The following INSYN2A variants were observed in gnomAD, a reference collection of about 807,000 sequenced individuals.
INSYN2A encodes family with sequence similarity 196 member A.
In INSYN2A, 17 loss-of-function variants were observed where a neutral mutation model predicts 39.4. That is an observed-to-expected ratio of 0.43 (90% confidence interval 0.30 to 0.65). The LOEUF (loss-of-function observed/expected upper bound fraction) is 0.65, where lower values mean the gene tolerates loss of function less well. INSYN2A is among the 30% of genes least tolerant of loss of function. The probability of loss-of-function intolerance (pLI) is 0.14; values close to 1 mark genes in which losing one functional copy is unlikely to be tolerated. For missense variants in INSYN2A, 595 were observed against 631.2 expected (o/e 0.94, Z 0.61); for synonymous variants, 255 against 265.7 (o/e 0.96, Z 0.39).
Position 127,153,928 on chromosome 10 carries a change from A to ATCTTGT in INSYN2A, c.1185-6_1185-5insACAAGA. 1 of 1,612,932 alleles carries ATCTTGT rather than the reference A, an allele frequency of 6.2e-7. No homozygotes were observed. Among genetic ancestry groups the ATCTTGT allele is most frequent in the African/African-American group, 1.3e-5 (1 of 75,012 alleles). ...TGCCCCGTCCGATATGAAAGCCTACAAGATAAGAACAGGAGAGCATTACAA... is the reference window on the plus strand; with the variant it reads ...TGCCCCGTCCGATATGAAAGCCTACATCTTGTAGATAAGAACAGGAGAGCATTACAA... On this transcript the variant is annotated splice_polypyrimidine_tract_variant and splice_region_variant and intron_variant, in intron 4 of 5. Transcript: ENST00000522781.
In INSYN2A at chr10:127,175,875, A is replaced by C; in HGVS notation, c.521T>G (p.Val174Gly). The C allele has an allele frequency of 6.2e-7, 1 of 1,613,816 alleles. No individual in the cohort carries two copies. The highest frequency in any genetic ancestry group is 8.5e-7 in the Non-Finnish European group (1 of 1,179,920). ...AGRVHKTTAL[V>G]FHSNQHMNTV... ...GTTCATGTGTTGGTTGGAATGGAAA[A>C]CCAAGGCTGTGGTCTTGTGCACCCG... The change falls in exon 4 of 6, where the codon GTT becomes GGT. Residue 174 changes from valine (V) to glycine (G), a missense_variant. Physicochemically the swap from Val to Gly is moderately radical, Grantham distance 109. This residue lies in a region of INSYN2A where 478 missense variants were observed against 467.4 expected (regional missense o/e 1.02). Coordinates refer to ENST00000522781, the MANE Select transcript of INSYN2A (RefSeq NM_001039762.3). This position sits in a 1 kb window ranked among gnomAD's most constrained non-coding sequence, Gnocchi z 6.3.
At position 127,176,171 on chromosome 10, in the gene INSYN2A, G is replaced by C; in HGVS notation, c.225C>G (p.Ala75=). ...AGGCTGCTCTGCAGGACACGGGCTTGGCCTCCCGCTTCTCCCCCAGCTGGC... is the reference window on the plus strand; with the variant it reads ...AGGCTGCTCTGCAGGACACGGGCTTCGCCTCCCGCTTCTCCCCCAGCTGGC... ...SSGQLGEKRE[A]KPVSCRAAYR... is the part of the protein sequence containing the mutation. Residue 75 remains alanine (A), a synonymous_variant, in exon 4 of 6, where the codon GCC becomes GCG. Transcript: ENST00000522781. This position sits in a 1 kb window ranked among gnomAD's most constrained non-coding sequence, Gnocchi z 4.4. 1.2e-6 allele frequency: 2 copies of C among 1,614,096 alleles called. No homozygotes were observed. Among genetic ancestry groups the C allele is most frequent in the Non-Finnish European group, 1.7e-6 (2 of 1,180,036 alleles).
intron 2 of INSYN2A, among the ~76,000 whole-genome samples, chr10:127,182,304 C>A (rs781541987): frequency 3.3e-5 from 5 of 152,160 alleles, no homozygotes; most frequent in Admixed American, 3.3e-4. Flanking sequence ...ACACTCTTAA[C>A]GAACAAAAAA....
At chr10:127,156,532 CTTT>C (rs1310324839) in intron 4 of INSYN2A, among the ~76,000 whole-genome samples, 4 of 122,012 alleles carry the variant, frequency 3.3e-5, no homozygotes, top group Non-Finnish European at 6.7e-5. Flanking sequence ...TTTCTTTTCT[CTTT>C]TTCTTCTTCT....
In INSYN2A at chr10:127,141,109, G is replaced by A. The variant is rs11016440; in HGVS notation, c.1257-3089C>T. Among the ~76,000 whole-genome samples, 1,000 of 152,310 alleles carry A rather than the reference G, an allele frequency of 6.6e-3. 4 individuals are homozygous for A. Among genetic ancestry groups the A allele is most frequent in the Admixed American group, 0.012 (176 of 15,300 alleles). On this transcript the variant is annotated intron_variant, in intron 5 of 5. Transcript: ENST00000522781. ...AACGCCTTTCTGGGCTCATGGCATG[G>A]CTGGCATTCCTTGGCCCACTGTTTC... is the stretch of plus-strand genomic sequence containing the variant.
In INSYN2A at chr10:127,143,638, G is replaced by A. The variant is rs1248828289; in HGVS notation, c.1257-5618C>T. 2.6e-5 allele frequency among the ~76,000 whole-genome samples: 4 copies of A among 152,236 alleles called. No individual in the cohort carries two copies. In the South Asian group the frequency reaches 8.3e-4, roughly 32 times the overall value. On this transcript the variant is annotated intron_variant, in intron 5 of 5. Coordinates refer to ENST00000522781, the MANE Select transcript of INSYN2A (RefSeq NM_001039762.3). The stretch of plus-strand genomic sequence containing the variant: ...ACAATTTATGTCAACTGACATTGGC[G>A]CCAACTTGGCCGGTTTTATGTGAGT...
chr10:127,170,872 A>G (rs538679197), intron 4 of INSYN2A, among the ~76,000 whole-genome samples: 2 of 152,370 alleles, frequency 1.3e-5, no homozygotes, highest in Admixed American at 1.3e-4. Flanking sequence ...AATTCTTGGC[A>G]TTCATGCAAG....
At position 127,137,992 on chromosome 10, in the gene INSYN2A, C is replaced by G. The variant is rs1184972985; in HGVS notation, c.1285G>C (p.Asp429His). The change falls in exon 6 of 6, where the codon GAC (aspartate) becomes CAC (histidine). Residue 429 changes from aspartate to histidine, a missense_variant. Physicochemically the swap from Asp to His is moderately conservative, Grantham distance 81. This residue lies in a region of INSYN2A where 117 missense variants were observed against 163.8 expected (regional missense o/e 0.71). Transcript: ENST00000522781. ...TTTCTTAGAACCGGCTGGAGTTTGT[C>G]TTCTTGCTGCTTAAAATCCAGCTCC... ...SVELDFKQQE[D>H]KLQPVLRKLH... 1 of 1,610,918 alleles carries G rather than the reference C, an allele frequency of 6.2e-7. No individual in the cohort carries two copies. The highest frequency in any genetic ancestry group is 1.3e-5 in the African/African-American group (1 of 74,564).
At chr10:127,141,064 A>G (rs1402863599) in intron 5 of INSYN2A, among the ~76,000 whole-genome samples, 1 of 152,104 alleles carries the variant, frequency 6.6e-6, no homozygotes, top group Admixed American at 6.6e-5. Flanking sequence ...CTTCATGATT[A>G]TCACTTTCTC....
Position 127,153,899 on chromosome 10 carries a change from G to A in INSYN2A, c.1209C>T (p.Asp403=), listed in dbSNP as rs2052760936. 1 of 1,613,822 alleles carries A rather than the reference G, an allele frequency of 6.2e-7. No homozygotes were observed. Among genetic ancestry groups the A allele is most frequent in the Admixed American group, 1.7e-5 (1 of 59,996 alleles). ...TCCTGCATGTGTCACAATTAGCTGT[G>A]TCTTGCCCCGTCCGATATGAAAGCC... ...REGLSYRTGQ[D]TANCDTCRNS... Residue 403 remains aspartate, a synonymous_variant, in exon 5 of 6, where the codon GAC becomes GAT. Coordinates refer to ENST00000522781, the MANE Select transcript of INSYN2A (RefSeq NM_001039762.3).
intron 5 of INSYN2A, among the ~76,000 whole-genome samples, chr10:127,149,366 G>A (rs1009140441): frequency 5.3e-5 from 8 of 152,100 alleles, no homozygotes; most frequent in Admixed American, 2.6e-4. Flanking sequence ...TTTTCCCCCC[G>A]CCTTGAAATT....
intron 5 of INSYN2A, among the ~76,000 whole-genome samples, chr10:127,153,579 G>T (rs988470698): frequency 1.3e-5 from 2 of 152,144 alleles, no homozygotes; most frequent in African/African-American, 4.8e-5. Flanking sequence ...CACACCTATC[G>T]ATTCCAAGGG....
At chr10:127,159,200 TTTAC>T (rs1361485994) in intron 4 of INSYN2A, among the ~76,000 whole-genome samples, 1 of 152,220 alleles carries the variant, frequency 6.6e-6, no homozygotes, top group East Asian at 1.9e-4. Flanking sequence ...TTTTGAGTCA[TTTAC>T]ATTTCTGTTT....
At position 127,175,530 on chromosome 10, in the gene INSYN2A, C is replaced by T. The variant is rs773235819; in HGVS notation, c.866G>A (p.Arg289Lys). ...GAGCCCGTTGAGATGTGTGGCTCTC[C>T]TCCGCTCGTCATCTGCCGGGCAGAG... ...WSLCPADDER[R>K]RATHLNGLQA... Residue 289 changes from arginine to lysine, a missense_variant, in exon 4 of 6, where the codon AGG becomes AAG. Arg to Lys is a conservative substitution (Grantham distance 26). Around this residue, in one of 2 missense-constraint regions of INSYN2A, gnomAD observed 478 missense variants for 467.4 expected, o/e 1.02. Coordinates refer to ENST00000522781, the MANE Select transcript of INSYN2A (RefSeq NM_001039762.3). This position sits in a 1 kb window ranked among gnomAD's most constrained non-coding sequence, Gnocchi z 6.3. 3.1e-6 allele frequency: 5 copies of T among 1,610,122 alleles called. No individual in the cohort carries two copies. The highest frequency in any genetic ancestry group is 2.2e-5 in the East Asian group (1 of 44,862).
At chr10:127,147,374 C>T (rs181940362) in intron 5 of INSYN2A, among the ~76,000 whole-genome samples, 93 of 152,260 alleles carry the variant, frequency 6.1e-4, no homozygotes, top group Non-Finnish European at 5.0e-4. Flanking sequence ...TCCAAATCCT[C>T]CCTAACCTGG....
At position 127,176,648 on chromosome 10, in the gene INSYN2A, G is replaced by A. The variant is rs867681521; in HGVS notation, c.-6+229C>T. Among the ~76,000 whole-genome samples the A allele has an allele frequency of 1.6e-4, 25 of 152,274 alleles. No individual in the cohort carries two copies. The highest frequency in any genetic ancestry group is 5.8e-4 in the African/African-American group (24 of 41,556). Reference sequence around the variant, plus strand: ...GGATACACTCGCTTTCCTTTTGACAGTAATGCATGTTTCCCCATTAGACAA... The same window carrying A: ...GGATACACTCGCTTTCCTTTTGACAATAATGCATGTTTCCCCATTAGACAA... On this transcript the variant is annotated intron_variant, in intron 3 of 5. Transcript: ENST00000522781. This position sits in a 1 kb window ranked among gnomAD's most constrained non-coding sequence, Gnocchi z 4.4.
At chr10:127,186,512 C>CA (rs57263189) in intron 2 of INSYN2A, among the ~76,000 whole-genome samples, 1 of 23,846 alleles carries the variant, frequency 4.2e-5, no homozygotes, top group East Asian at 2.5e-3. Flanking sequence ...AAACCGCCCC[C>CA]CCGCCCCCCC....
chr10:127,178,571 C>T (rs1307988448), intron 2 of INSYN2A, among the ~76,000 whole-genome samples: 1 of 152,160 alleles, frequency 6.6e-6, no homozygotes, highest in Non-Finnish European at 1.5e-5. Flanking sequence ...CTGGATGCCT[C>T]GGGCTCTTGT....
intron 5 of INSYN2A, among the ~76,000 whole-genome samples, chr10:127,151,765 T>A (rs79990794): frequency 0.052 from 7,913 of 152,206 alleles, 552 homozygotes; most frequent in African/African-American, 0.16. Context: ...CTTGGCAAAT[T>A]CCTGTGGTGC....
Sources: gnomAD v4.1 joint callset for allele counts (sites outside exome capture counted in the v4.1 genomes callset) on GRCh38, gnomAD v4.1.1 for gene constraint, gnomAD v4.1.1 regional missense constraint, Gnocchi (gnomAD v3.1) non-coding constraint, MANE v1.5 for transcripts, NCBI Gene and HGNC (gene_info 2026-07-23, HGNC 2026-07-21) for gene names.